PDE4B: variants seen among roughly 807,000 people sequenced by gnomAD.
PDE4B encodes the protein 3',5'-cyclic-AMP phosphodiesterase 4B.
Under a neutral mutation model 82.2 loss-of-function variants are expected in PDE4B, and 20 were observed. The observed-to-expected ratio is 0.24, with a 90% CI of 0.17 to 0.35. The LOEUF is 0.35. Among genes scored for constraint, PDE4B ranks in the 10% least tolerant of loss-of-function variants. The probability of loss-of-function intolerance (pLI) is 1.00; values close to 1 mark genes in which losing one functional copy is unlikely to be tolerated. For missense variants in PDE4B, 655 were observed against 907.2 expected, an observed-to-expected ratio of 0.72 and a Z score of 3.57; for synonymous variants, 320 against 318.9, an observed-to-expected ratio of 1.00 and a Z score of -0.04.
At chr1:65,868,673 C>T (rs1297047844) in intron 1 of PDE4B, among the ~76,000 whole-genome samples, 1 of 152,174 alleles carries the variant, frequency 6.6e-6, no homozygotes, top group African/African-American at 2.4e-5. Flanking sequence ...CCCCAGGCTG[C>T]AGACCAGTAG....
intron 3 of PDE4B, among the ~76,000 whole-genome samples, chr1:66,103,674 A>C (rs369719064): frequency 6.6e-6 from 1 of 152,158 alleles, no homozygotes; most frequent in Non-Finnish European, 1.5e-5. Context: ...AGGTATTTCC[A>C]TAGCATTCAG....
chr1:65,858,707 G>A (rs1356645505), intron 1 of PDE4B, among the ~76,000 whole-genome samples: 1 of 151,914 alleles, frequency 6.6e-6, no homozygotes, highest in African/African-American at 2.4e-5. Flanking sequence ...CCTCTTTTCT[G>A]TCTATATCTT....
At chr1:66,320,206 T>C (rs1334356509) in intron 7 of PDE4B, among the ~76,000 whole-genome samples, 1 of 152,132 alleles carries the variant, frequency 6.6e-6, no homozygotes. Context: ...ACTCTATCTC[T>C]GCAGCCTCTG....
At chr1:66,341,758 TCTCTCTGCC>T (rs1238783169) in intron 8 of PDE4B, among the ~76,000 whole-genome samples, 2 of 152,222 alleles carry the variant, frequency 1.3e-5, no homozygotes, top group Non-Finnish European at 2.9e-5. Flanking sequence ...AGCCTTGGGT[TCTCTCTGCC>T]ACTTTGCAGA....
In PDE4B at chr1:66,372,237, G is replaced by T. The variant is rs549622259; in HGVS notation, c.1846-76G>T. 2.1e-6 allele frequency: 3 copies of T among 1,419,522 alleles called. No individual in the cohort carries two copies. The South Asian group carries it at 4.1e-5, about 19-fold the overall frequency. The allele number at this position is 1,419,522 out of a possible 1,614,324, so 87.9% of individuals were successfully genotyped here. ...CTGAAGTTATTAATGTTCTTTCTTT[G>T]CATGGAAACCAGGAAACCTTGTTTA... On this transcript the variant is annotated intron_variant, in intron 16 of 16. Coordinates refer to ENST00000341517, the MANE Select transcript of PDE4B (RefSeq NM_002600.4).
intron 3 of PDE4B, among the ~76,000 whole-genome samples, chr1:66,069,600 A>T (rs796461239): frequency 2.0e-5 from 3 of 151,980 alleles, no homozygotes; most frequent in Non-Finnish European, 4.4e-5. Context: ...AGCACATACT[A>T]TATTTGGAAT....
At chr1:66,060,490 A>G (rs557879695) in intron 3 of PDE4B, among the ~76,000 whole-genome samples, 3 of 152,330 alleles carry the variant, frequency 2.0e-5, no homozygotes, top group African/African-American at 7.2e-5. Context: ...TGGTTGTCCA[A>G]ACTGTTTACA....
At chr1:65,987,953 T>C (rs1230781464) in intron 3 of PDE4B, among the ~76,000 whole-genome samples, 1 of 152,202 alleles carries the variant, frequency 6.6e-6, no homozygotes, top group Admixed American at 6.5e-5. Flanking sequence ...GGTATAATAA[T>C]TTACAAATAA....
chr1:66,077,391 G>C lies in PDE4B; in HGVS notation c.281+158556G>C, dbSNP rs766428322. Among the ~76,000 whole-genome samples the C allele has an allele frequency of 3.3e-5, 5 of 152,124 alleles. No homozygotes were observed. In the South Asian group the frequency reaches 8.3e-4, roughly 25 times the overall value. On this transcript the variant is annotated intron_variant, in intron 3 of 16. Coordinates refer to ENST00000341517, the MANE Select transcript of PDE4B (RefSeq NM_002600.4). ...TTCTCATGACAATTCAGTGAGGTAGGTGTAATTTTATTGCCATTATTGCAA... is the reference window on the plus strand; with the variant it reads ...TTCTCATGACAATTCAGTGAGGTAGCTGTAATTTTATTGCCATTATTGCAA...
intron 3 of PDE4B, among the ~76,000 whole-genome samples, chr1:65,948,354 G>T (rs551361805): frequency 6.6e-6 from 1 of 151,848 alleles, no homozygotes; most frequent in African/African-American, 2.4e-5. Flanking sequence ...TAACTTACAT[G>T]ATCACAAGGT....
chr1:65,838,884 G>T (rs12739892), intron 1 of PDE4B, among the ~76,000 whole-genome samples: 24,656 of 151,974 alleles, frequency 0.16, 2,536 homozygotes, highest in Non-Finnish European at 0.23. Context: ...GGTTTCTGTT[G>T]ATTAAAAATG....
intron 3 of PDE4B, among the ~76,000 whole-genome samples, chr1:66,201,618 C>G (rs1171837472): frequency 6.6e-6 from 1 of 150,746 alleles, no homozygotes; most frequent in Non-Finnish European, 1.5e-5. Flanking sequence ...TCTAGATTTT[C>G]TAGTTTATTT....
chr1:66,224,478 G>C (rs1651267038), intron 3 of PDE4B, among the ~76,000 whole-genome samples: 1 of 152,138 alleles, frequency 6.6e-6, no homozygotes, highest in African/African-American at 2.4e-5. Context: ...CAGAACTTTG[G>C]GAGGCCGAGG....
chr1:65,964,913 C>G (rs1649735289), intron 3 of PDE4B, among the ~76,000 whole-genome samples: 1 of 150,980 alleles, frequency 6.6e-6, no homozygotes, highest in South Asian at 2.1e-4. Flanking sequence ...GTGGATATAT[C>G]TGGGGAGAGT....
chr1:65,891,914 G>A (rs916462511), intron 1 of PDE4B, among the ~76,000 whole-genome samples: 2 of 151,990 alleles, frequency 1.3e-5, no homozygotes, highest in African/African-American at 4.8e-5. Flanking sequence ...ATTGGATACT[G>A]CCCGAGATGA....
chr1:65,825,750 C>CTATG (rs1356899355), intron 1 of PDE4B, among the ~76,000 whole-genome samples: 6 of 151,678 alleles, frequency 4.0e-5, no homozygotes, highest in South Asian at 4.2e-4. Flanking sequence ...ATCTATCTAT[C>CTATG]TATCTATCTC....
At chr1:66,057,151 A>G (rs1655346562) in intron 3 of PDE4B, among the ~76,000 whole-genome samples, 1 of 152,160 alleles carries the variant, frequency 6.6e-6, no homozygotes, top group Non-Finnish European at 1.5e-5. Context: ...GTGCACCATG[A>G]ACTTGCATAG....
intron 1 of PDE4B, among the ~76,000 whole-genome samples, chr1:65,879,098 C>A (rs1159243924): frequency 6.6e-6 from 1 of 152,096 alleles, no homozygotes; most frequent in Non-Finnish European, 1.5e-5. Context: ...TTTCTTCCCT[C>A]CTTTTACCCT....
At chr1:66,285,542 A>G (rs1656616196) in intron 7 of PDE4B, among the ~76,000 whole-genome samples, 1 of 151,636 alleles carries the variant, frequency 6.6e-6, no homozygotes, top group Non-Finnish European at 1.5e-5. Context: ...ATTTCACTCT[A>G]TATGTCCATG....
Sources: allele counts gnomAD v4.1 joint callset (sites outside exome capture counted in the v4.1 genomes callset), GRCh38; gene constraint gnomAD v4.1.1; transcripts MANE v1.5; gene names NCBI Gene and HGNC (gene_info 2026-07-23, HGNC 2026-07-21).